Variants in NDUFA6 observed in about 807,000 individuals in gnomAD.
NDUFA6 encodes the protein NADH:ubiquinone oxidoreductase subunit A6.
NDUFA6 carries 10 observed loss-of-function variants against 12.5 expected under a neutral mutation model. That is an observed-to-expected ratio of 0.80 (90% CI 0.49 to 1.35). The LOEUF (loss-of-function observed/expected upper bound fraction) is 1.35, where lower values mean the gene tolerates loss of function less well. Ranked by LOEUF, NDUFA6 falls within the 40% of genes most tolerant of loss-of-function variation. The pLI is 0.00. For missense variants in NDUFA6, 177 were observed against 173.5 expected, an observed-to-expected ratio of 1.02 and a Z score of -0.11; for synonymous variants, 66 against 63.0, an observed-to-expected ratio of 1.05 and a Z score of -0.23.
intron 1 of NDUFA6, among the ~76,000 whole-genome samples, chr22:42,088,671 A>G (rs1168846629): frequency 6.6e-6 from 1 of 150,822 alleles, no homozygotes; most frequent in Non-Finnish European, 1.5e-5. Context: ...CAGTGAGCCA[A>G]GATCGCGCCA....
intron 1 of NDUFA6, among the ~76,000 whole-genome samples, chr22:42,087,830 G>C (rs1928359217): frequency 1.3e-5 from 2 of 151,408 alleles, no homozygotes; most frequent in Non-Finnish European, 1.5e-5. Context: ...TTTATTAGCT[G>C]GGCGCGGTGG....
chr22:42,088,488 G>A (rs1265578732), intron 1 of NDUFA6, among the ~76,000 whole-genome samples: 3 of 152,254 alleles, frequency 2.0e-5, no homozygotes, highest in Non-Finnish European at 4.4e-5. Context: ...GGGAGGCCAA[G>A]GCAGGTGGAT....
At chr22:42,088,577 G>A (rs1349156709) in intron 1 of NDUFA6, among the ~76,000 whole-genome samples, 2 of 152,054 alleles carry the variant, frequency 1.3e-5, no homozygotes, top group Non-Finnish European at 1.5e-5. Flanking sequence ...AAGTTAGCCA[G>A]GTGTGGTGGC....
In NDUFA6 at chr22:42,087,092, C is replaced by T; in HGVS notation, c.223G>A (p.Asp75Asn). The T allele has an allele frequency of 6.2e-7, 1 of 1,614,118 alleles. No individual in the cohort carries two copies. Among genetic ancestry groups the T allele is most frequent in the East Asian group, 2.2e-5 (1 of 44,886 alleles). Residue 75 changes from aspartate (D) to asparagine (N), a missense_variant, in exon 2 of 3, where the codon GAC (aspartate) becomes AAC (asparagine). By Grantham distance (23) the Asp-to-Asn change is conservative (BLOSUM62 1). Coordinates refer to ENST00000498737, the MANE Select transcript of NDUFA6 (RefSeq NM_002490.6). ...ACCAGAAGATCAACCACCCTGGGGT[C>T]TGTGACATGGGCATTCTTCATAAAC... Reference protein sequence around the residue: ...EMFMKNAHVTDPRVVDLLVIK... With the variant: ...EMFMKNAHVTNPRVVDLLVIK...
At chr22:42,087,336 G>GGTATTT (rs2146873193) in intron 1 of NDUFA6, 161 bp from the exon 2 acceptor site, 1 of 659,364 alleles carries the variant, frequency 1.5e-6, no homozygotes, top group Non-Finnish European at 2.8e-6. Context: ...TGTGATTCAT[G>GGTATTT]GTATTTGCTC....
chr22:42,090,337 G>A (rs944876468), intron 1 of NDUFA6, among the ~76,000 whole-genome samples: 18 of 152,372 alleles, frequency 1.2e-4, no homozygotes, highest in African/African-American at 4.3e-4. Flanking sequence ...GTGTGTCACT[G>A]ACAGTCATCG....
In NDUFA6 at chr22:42,090,695, A is replaced by T; in HGVS notation, c.50T>A (p.Val17Glu). The change falls in exon 1 of 3, where the codon GTG becomes GAG. Residue 17 changes from valine (V) to glutamate (E), a missense_variant. Physicochemically the swap from Val to Glu is moderately radical, Grantham distance 121 (BLOSUM62 -2). Transcript: ENST00000498737. ...CATGTCCCGACTGAAAATGGGCTTC[A>T]CGAAGGTGCTGGCGGTAGAAGTAGC... ...RQATSTASTFVKPIFSRDMNE... is the reference protein window; with the variant it reads ...RQATSTASTFEKPIFSRDMNE... 2 of 1,614,196 alleles carry T rather than the reference A, an allele frequency of 1.2e-6. No homozygotes were observed. Among genetic ancestry groups the T allele is most frequent in the Non-Finnish European group, 1.7e-6 (2 of 1,180,040 alleles).
chr22:42,086,025 G>A lies in NDUFA6; in HGVS notation c.*158C>T. 2 of 880,618 alleles carry A rather than the reference G, an allele frequency of 2.3e-6. No individual in the cohort carries two copies. Among genetic ancestry groups the A allele is most frequent in the African/African-American group, 1.7e-5 (1 of 60,430 alleles). 54.6% of individuals were successfully genotyped at this position (880,618 alleles called of 1,614,324 possible). A position where few individuals can be genotyped will look rare whatever the true frequency, so the allele number is the denominator to read the frequency against. On this transcript the variant is annotated 3_prime_UTR_variant, in exon 3 of 3. Transcript: ENST00000498737. ...ACACCACATTTCAAGAAAAGGGAAAGAACAGGTGATGTGTATACCAAGGTC... is the reference window on the plus strand; with the variant it reads ...ACACCACATTTCAAGAAAAGGGAAAAAACAGGTGATGTGTATACCAAGGTC...
At position 42,087,160 on chromosome 22, in the gene NDUFA6, A is replaced by G; in HGVS notation, c.155T>C (p.Leu52Pro). Residue 52 changes from leucine (L) to proline (P), a missense_variant, in exon 2 of 3, where the codon CTG becomes CCG. Transcript: ENST00000498737. ...CCGTCCCATTTTCACAGTGATGTCCAGCTGGAATTGGTGCACTAGAGAGAA... is the reference window on the plus strand; with the variant it reads ...CCGTCCCATTTTCACAGTGATGTCCGGCTGGAATTGGTGCACTAGAGAGAA... ...EVPNTVHQFQ[L>P]DITVKMGRDK... The G allele has an allele frequency of 6.2e-7, 1 of 1,613,656 alleles. No homozygotes were observed. The highest frequency in any genetic ancestry group is 8.5e-7 in the Non-Finnish European group (1 of 1,179,506).
intron 1 of NDUFA6, among the ~76,000 whole-genome samples, chr22:42,089,351 C>CACAT (rs1555883750): frequency 6.6e-6 from 1 of 151,832 alleles, no homozygotes; most frequent in Non-Finnish European, 1.5e-5. Flanking sequence ...CACACACACA[C>CACAT]ACACTGCTAC....
intron 1 of NDUFA6, among the ~76,000 whole-genome samples, chr22:42,089,219 C>T (rs926859304): frequency 7.9e-5 from 12 of 151,920 alleles, no homozygotes; most frequent in Non-Finnish European, 1.0e-4. Context: ...TCCTCCTTCC[C>T]CCAGCACCTT....
In NDUFA6 at chr22:42,086,232, G is replaced by A. The variant is rs1287264121; in HGVS notation, c.338C>T (p.Pro113Leu). 1.2e-6 allele frequency: 2 copies of A among 1,614,194 alleles called. No individual in the cohort carries two copies. Among genetic ancestry groups the A allele is most frequent in the Non-Finnish European group, 8.5e-7 (1 of 1,180,032 alleles). ...VMRFFHETEA[P>L]RPKDFLSKFY... Reference sequence around the variant, plus strand: ...CTTGGATAGGAAATCCTTTGGCCTTGGCGCTTCTGTTTCATGGAAGAACCG... The same window carrying A: ...CTTGGATAGGAAATCCTTTGGCCTTAGCGCTTCTGTTTCATGGAAGAACCG... The change falls in exon 3 of 3, where the codon CCA (proline) becomes CTA (leucine). Residue 113 changes from proline to leucine, a missense_variant. Pro to Leu is a moderately conservative substitution (Grantham distance 98). This residue lies in a region of NDUFA6 where 62 missense variants were observed against 69.4 expected (regional missense o/e 0.89). Transcript: ENST00000498737.
chr22:42,090,490 G>T, intron 1 of NDUFA6, 116 bp downstream of exon 1: 1 of 1,270,958 alleles, frequency 7.9e-7, no homozygotes, highest in Non-Finnish European at 1.1e-6. Flanking sequence ...TGAAGCACCC[G>T]CAGTCGCCTC....
At chr22:42,086,370 C>T in intron 2 of NDUFA6, 56 bp from the exon 3 acceptor site, 1 of 1,606,268 alleles carries the variant, frequency 6.2e-7, no homozygotes, top group Non-Finnish European at 8.5e-7. Flanking sequence ...AGGCATATGA[C>T]ACTGAAGGCC....
intron 1 of NDUFA6, among the ~76,000 whole-genome samples, chr22:42,090,405 G>A (rs1366071503): frequency 6.6e-6 from 1 of 152,250 alleles, no homozygotes; most frequent in Non-Finnish European, 1.5e-5. Context: ...ACGTACGAAT[G>A]CTAGGCACGG....
At chr22:42,090,462 C>T in intron 1 of NDUFA6, 144 bp downstream of exon 1, 1 of 1,008,498 alleles carries the variant, frequency 9.9e-7, no homozygotes. Flanking sequence ...ATGGTAGGCT[C>T]GGGTGACCCT....
intron 1 of NDUFA6, among the ~76,000 whole-genome samples, chr22:42,090,341 G>A (rs1301062397): frequency 6.6e-6 from 1 of 152,254 alleles, no homozygotes. Context: ...GTCACTGACA[G>A]TCATCGTCCT....
rs141833363 is a variant in NDUFA6 at position 42,086,202 on chromosome 22, T to C, written c.368A>G (p.Tyr123Cys). ...PRPKDFLSKFYVGHDP is the reference protein window; with the variant it reads ...PRPKDFLSKFCVGHDP ...ATGACTTCATGGATCGTGGCCAACATAGAACTTGGATAGGAAATCCTTTGG... is the reference window on the plus strand; with the variant it reads ...ATGACTTCATGGATCGTGGCCAACACAGAACTTGGATAGGAAATCCTTTGG... The change falls in exon 3 of 3, where the codon TAT becomes TGT. Residue 123 changes from tyrosine to cysteine, a missense_variant. By Grantham distance (194) the Tyr-to-Cys change is radical. This residue lies in a region of NDUFA6 where 62 missense variants were observed against 69.4 expected (regional missense o/e 0.89). Coordinates refer to ENST00000498737, the MANE Select transcript of NDUFA6 (RefSeq NM_002490.6). 1.2e-5 allele frequency: 20 copies of C among 1,614,128 alleles called. No homozygotes were observed. The highest frequency in any genetic ancestry group is 1.1e-4 in the South Asian group (10 of 91,096).
chr22:42,090,721 T>C lies in NDUFA6; in HGVS notation c.24A>G (p.Gln8=), dbSNP rs1269911566. MAGSGVR[Q]ATSTASTFVK... is the part of the protein sequence containing the mutation. ...CGAAGGTGCTGGCGGTAGAAGTAGC[T>C]TGGCGGACGCCGCTCCCCGCCATCT... The change falls in exon 1 of 3, where the codon CAA becomes CAG. Residue 8 remains glutamine (Q), a synonymous_variant. Coordinates refer to ENST00000498737, the MANE Select transcript of NDUFA6 (RefSeq NM_002490.6). 1.9e-6 allele frequency: 3 copies of C among 1,614,152 alleles called. No individual in the cohort carries two copies. The highest frequency in any genetic ancestry group is 2.2e-5 in the East Asian group (1 of 44,876).
Sources: allele counts gnomAD v4.1 joint callset (sites outside exome capture counted in the v4.1 genomes callset), GRCh38; gene constraint gnomAD v4.1.1; regional missense constraint gnomAD v4.1.1; transcripts MANE v1.5; gene names NCBI Gene and HGNC (gene_info 2026-07-23, HGNC 2026-07-21).